GLOD4: variants seen among roughly 807,000 people sequenced by gnomAD.
GLOD4 encodes the protein glyoxalase domain containing 4.
GLOD4 carries 44 observed loss-of-function variants against 39.1 expected under a neutral mutation model. The observed-to-expected ratio is 1.13, with a 90% CI of 0.88 to 1.45. The LOEUF (loss-of-function observed/expected upper bound fraction) is 1.45. Ranked by LOEUF, GLOD4 falls within the 40% of genes most tolerant of loss-of-function variation. The pLI is 0.00. For missense variants in GLOD4, 405 were observed against 366.4 expected (o/e 1.11, Z -0.86); for synonymous variants, 145 against 135.0 (o/e 1.07, Z -0.52).
At chr17:784,538 C>A (rs1459906759), upstream of GLOD4, among the ~76,000 whole-genome samples, 1 of 151,918 alleles carries the variant, frequency 6.6e-6, no homozygotes, top group African/African-American at 2.4e-5. Flanking sequence ...AGTGGCCAGC[C>A]CATCTTGAAC....
intron 1 of GLOD4, chr17:781,956 G>A: frequency 7.3e-6 from 4 of 549,768 alleles, no homozygotes; most frequent in East Asian, 5.9e-5. Flanking sequence ...GGCACACCGC[G>A]GGGACTAATC....
intron 4 of GLOD4, among the ~76,000 whole-genome samples, chr17:772,999 A>C (rs1908256007): frequency 6.6e-6 from 1 of 152,116 alleles, no homozygotes; most frequent in Non-Finnish European, 1.5e-5. Context: ...TGTCTCAAAA[A>C]AAAAAAAAAA....
intron 8 of GLOD4, among the ~76,000 whole-genome samples, chr17:762,161 C>T (rs996629825): frequency 6.6e-6 from 1 of 152,224 alleles, no homozygotes; most frequent in African/African-American, 2.4e-5. Context: ...AGAGGTAGAA[C>T]TCACAGCTCT....
At chr17:765,736 A>G (rs532085491) in intron 8 of GLOD4, among the ~76,000 whole-genome samples, 111 of 151,868 alleles carry the variant, frequency 7.3e-4, no homozygotes, top group East Asian at 1.2e-3. Context: ...GAGCCACCGC[A>G]CCCGGCCTAC....
At chr17:770,002 A>AC (rs750667835) in intron 7 of GLOD4, 42 bp downstream of exon 7, 10 of 1,556,072 alleles carry the variant, frequency 6.4e-6, no homozygotes, top group Admixed American at 1.7e-5. Context: ...ATCCTTGAAG[A>AC]AACCCCTGGT....
chr17:773,010 A>T (rs1177106214), intron 4 of GLOD4, among the ~76,000 whole-genome samples: 5 of 151,774 alleles, frequency 3.3e-5, no homozygotes, highest in South Asian at 2.1e-4. Flanking sequence ...AAAAAAAAAA[A>T]TTTCAACCCG....
chr17:763,235 C>T (rs548613008), intron 8 of GLOD4, among the ~76,000 whole-genome samples: 17 of 149,656 alleles, frequency 1.1e-4, no homozygotes, highest in East Asian at 5.9e-4. Context: ...AGGTTGGATG[C>T]GGTGGCTCAC....
chr17:770,215 C>G (rs773439162), intron 6 of GLOD4, 58 bp from the exon 7 acceptor site: 1 of 912,176 alleles, frequency 1.1e-6, no homozygotes, highest in Admixed American at 1.9e-5. Flanking sequence ...GGACACGGCC[C>G]TCGTCAGTCC....
At chr17:768,720 C>T (rs1476148040) in intron 8 of GLOD4, among the ~76,000 whole-genome samples, 10 of 44,472 alleles carry the variant, frequency 2.2e-4, no homozygotes, top group African/African-American at 3.7e-4. Context: ...CTGGAGAGGA[C>T]GTGAGAGAGA....
chr17:781,133 C>G (rs1308210872), intron 1 of GLOD4, among the ~76,000 whole-genome samples: 1 of 152,158 alleles, frequency 6.6e-6, no homozygotes, highest in East Asian at 1.9e-4. Context: ...GTTGGCCAGG[C>G]TGGTGTCCAA....
intron 8 of GLOD4, among the ~76,000 whole-genome samples, chr17:767,659 G>C (rs1906871817): frequency 1.3e-5 from 2 of 150,022 alleles, no homozygotes; most frequent in African/African-American, 4.9e-5. Context: ...AAGAAATCTG[G>C]AGAGGACGTG....
intron 8 of GLOD4, among the ~76,000 whole-genome samples, chr17:768,792 C>G (rs71357112): frequency 0.046 from 2,986 of 64,824 alleles, 229 homozygotes; most frequent in Middle Eastern, 0.11. Flanking sequence ...AGAGAAACAG[C>G]GCGCACTCAG....
At chr17:760,334 A>C (rs1905230190) in intron 8 of GLOD4, 96 bp from the exon 9 acceptor site, 1 of 704,842 alleles carries the variant, frequency 1.4e-6, no homozygotes, top group African/African-American at 1.8e-5. Flanking sequence ...CAATAAAAAA[A>C]ATTAACATTA....
At chr17:781,793 T>C in intron 1 of GLOD4, 1 of 217,450 alleles carries the variant, frequency 4.6e-6, no homozygotes, top group Non-Finnish European at 9.2e-6. Context: ...GCTGATTTTA[T>C]CTACATCAAA....
intron 8 of GLOD4, among the ~76,000 whole-genome samples, chr17:763,240 GCTCACAT>G (rs1457699214): frequency 6.6e-6 from 1 of 151,410 alleles, no homozygotes; most frequent in African/African-American, 2.4e-5. Flanking sequence ...GGATGCGGTG[GCTCACAT>G]CTGTAATCCC....
intron 1 of GLOD4, chr17:780,507 T>G (rs1225252926): frequency 6.6e-6 from 1 of 152,234 alleles, no homozygotes; most frequent in Admixed American, 6.5e-5. Flanking sequence ...TCCTCTCATC[T>G]ACCTGTGGAT....
chr17:775,658 C>G, intron 4 of GLOD4, 117 bp downstream of exon 4: 4 of 792,492 alleles, frequency 5.0e-6, no homozygotes, highest in Non-Finnish European at 8.4e-6. Context: ...AAAGCACTGG[C>G]TGGGGAAGAC....
At chr17:774,576 T>A (rs774683836) in intron 4 of GLOD4, among the ~76,000 whole-genome samples, 2 of 152,180 alleles carry the variant, frequency 1.3e-5, no homozygotes, top group Non-Finnish European at 2.9e-5. Flanking sequence ...TGGGGGCTCC[T>A]CACTTCCATG....
rs867082183 is a variant in GLOD4, at chr17:776,949, A to G, written c.180T>C (p.Phe60=). ...DGKWSKTMVG[F]GPEDDHFVAE... ...CGACAAAATGATCATCCTCAGGCCC[A>G]AATCCCACCATTGTTTTACTCCATT... Residue 60 remains phenylalanine, a synonymous_variant, in exon 3 of 9, where the codon TTT becomes TTC. Transcript: ENST00000301329. 7 of 1,605,788 alleles carry G rather than the reference A, an allele frequency of 4.4e-6. No individual in the cohort carries two copies. In the Middle Eastern group the frequency reaches 6.6e-4, roughly 152 times the overall value.
Sources: allele counts gnomAD v4.1 joint callset (sites outside exome capture counted in the v4.1 genomes callset), GRCh38; gene constraint gnomAD v4.1.1; transcripts MANE v1.5; gene names NCBI Gene and HGNC (gene_info 2026-07-23, HGNC 2026-07-21).